Variants in MYOM2 observed in about 807,000 individuals in gnomAD.
MYOM2 encodes the protein myomesin-2.
Under a neutral mutation model 187.6 loss-of-function variants are expected in MYOM2, and 254 were observed. The observed-to-expected ratio is 1.35, with a 90% CI of 1.22 to 1.50. The LOEUF is 1.50. MYOM2 is among the 40% of genes most tolerant of loss of function. The probability of loss-of-function intolerance (pLI) is 0.00; values close to 1 mark genes in which losing one functional copy is unlikely to be tolerated. For synonymous variants in MYOM2, 981 were observed against 753.8 expected (o/e 1.30, Z -4.94); for missense variants, 2,796 against 1,924.0 (o/e 1.45, Z -8.48).
Position 2,075,658 on chromosome 8 carries a change from T to C in MYOM2, c.1121-483T>C, listed in dbSNP as rs1819391419. 1.3e-5 allele frequency among the ~76,000 whole-genome samples: 2 copies of C among 152,316 alleles called. 1 individual carries two copies. Among genetic ancestry groups the C allele is most frequent in the Middle Eastern group, 6.8e-3 (2 of 294 alleles). On this transcript the variant is annotated intron_variant, in intron 10 of 36. Coordinates refer to ENST00000262113, the MANE Select transcript of MYOM2 (RefSeq NM_003970.4). ...AACCTAATTGCATTAGGGTCATCAATAGACTGAGAAACGAATGATGCAATA... is the reference window on the plus strand; with the variant it reads ...AACCTAATTGCATTAGGGTCATCAACAGACTGAGAAACGAATGATGCAATA...
intron 6 of MYOM2, among the ~76,000 whole-genome samples, chr8:2,064,420 G>T (rs544481423): frequency 6.6e-6 from 1 of 152,212 alleles, no homozygotes; most frequent in East Asian, 1.9e-4. Flanking sequence ...TTAGCGGGGC[G>T]CCTCCTGCAT....
rs1819820973 is a variant in MYOM2, at chr8:2,085,542, GCCCCA to G, written c.1644+154_1644+158del. 5 of 318,150 alleles carry G rather than the reference GCCCCA, an allele frequency of 1.6e-5. 1 individual carries two copies. Among genetic ancestry groups the G allele is most frequent in the Non-Finnish European group, 2.5e-5 (5 of 198,360 alleles). 19.7% of individuals were successfully genotyped at this position (318,150 alleles called of 1,614,324 possible). ...CCCCCACTGTTGTGATCTCTGCGTG[GCCCCA>G]CTGTCATGATCTCTGCGTGGCCCCA... is the stretch of plus-strand genomic sequence containing the variant. On this transcript the variant is annotated intron_variant, in intron 14 of 36. Coordinates refer to ENST00000262113, the MANE Select transcript of MYOM2 (RefSeq NM_003970.4).
In MYOM2 at chr8:2,106,387, C is replaced by T. The variant is rs148101307; in HGVS notation, c.2880C>T (p.Thr960=). The T allele has an allele frequency of 9.7e-5, 157 of 1,613,940 alleles. No homozygotes were observed. The African/African-American group carries it at 1.1e-3, about 12-fold the overall frequency. ...ATGATGAGAGGTTTAAAATTGAAAC[C>T]GTGGGGGATCAGTAAGTGAGGCCTG... is the stretch of plus-strand genomic sequence containing the variant. The part of the protein sequence containing the change: ...ISDDERFKIE[T]VGDHSKLYLK... Residue 960 remains threonine (T), a synonymous_variant, in exon 22 of 37, where the codon ACC becomes ACT. Transcript: ENST00000262113.
chr8:2,045,597 GA>G (rs962713739), intron 1 of MYOM2, among the ~76,000 whole-genome samples: 2 of 152,154 alleles, frequency 1.3e-5, no homozygotes, highest in Non-Finnish European at 2.9e-5. Context: ...TTTCTTAAGG[GA>G]AAAAAGAGTC....
chr8:2,057,054 C>G (rs946005562), intron 3 of MYOM2, among the ~76,000 whole-genome samples: 3 of 152,194 alleles, frequency 2.0e-5, no homozygotes, highest in Non-Finnish European at 4.4e-5. Flanking sequence ...AAGCGGTTTG[C>G]AGTTGTGCAC....
At chr8:2,080,879 A>G (rs374193384) in intron 13 of MYOM2, among the ~76,000 whole-genome samples, 90 of 147,692 alleles carry the variant, frequency 6.1e-4, no homozygotes, top group African/African-American at 2.3e-3. Context: ...TGCGGGAGGA[A>G]CAGGCAGCCC....
rs114471764 is a variant in MYOM2, at chr8:2,085,147, A to G, written c.1517-116A>G. ...CTTTGGGGTTTGTTTGACTTCCCCA[A>G]ATAGAAACAAAACAAGTTCAACACC... On this transcript the variant is annotated intron_variant, in intron 13 of 36. Transcript: ENST00000262113. 4,742 of 1,336,952 alleles carry G rather than the reference A, an allele frequency of 3.5e-3. 130 individuals are homozygous for G. The African/African-American group carries it at 0.061, about 17-fold the overall frequency. The allele number at this position is 1,336,952 out of a possible 1,614,324, so 82.8% of individuals were successfully genotyped here.
Position 2,064,409 on chromosome 8 carries a change from C to A in MYOM2, c.654-4869C>A, listed in dbSNP as rs561699958. ...CCACCGTGGGGGTGACCGCGAGCTC[C>A]TTAGCGGGGCGCCTCCTGCATGGAG... On this transcript the variant is annotated intron_variant, in intron 6 of 36. Transcript: ENST00000262113. Among the ~76,000 whole-genome samples the A allele has an allele frequency of 4.6e-5, 7 of 152,328 alleles. No individual in the cohort carries two copies. The South Asian group carries it at 1.4e-3, about 32-fold the overall frequency.
At chr8:2,133,768 C>CATT (rs145388871) in intron 32 of MYOM2, among the ~76,000 whole-genome samples, 19,815 of 152,120 alleles carry the variant, frequency 0.13, 2,185 homozygotes, top group African/African-American at 0.28. Context: ...GTCTGTCAGT[C>CATT]ATTGATCTCA....
Position 2,096,380 on chromosome 8 carries a change from C to G in MYOM2, c.2259C>G (p.His753Gln). Reference protein sequence around the residue: ...LGYYLDKREVHHKNWHEVNSS... With the variant: ...LGYYLDKREVQHKNWHEVNSS... ...ACTACCTGGACAAGCGTGAAGTTCA[C>G]CATAAAAACTGGCACGAGGTCAATT... is the stretch of plus-strand genomic sequence containing the variant. The change falls in exon 18 of 37, where the codon CAC (histidine) becomes CAG (glutamine). Residue 753 changes from histidine to glutamine, a missense_variant. Transcript: ENST00000262113. The G allele has an allele frequency of 6.2e-7, 1 of 1,614,214 alleles. No individual in the cohort carries two copies.
At chr8:2,051,357 A>C (rs1818478881) in intron 2 of MYOM2, among the ~76,000 whole-genome samples, 1 of 152,102 alleles carries the variant, frequency 6.6e-6, no homozygotes, top group Admixed American at 6.5e-5. Flanking sequence ...GTGCACCTGC[A>C]TCTTCCGGAA....
At chr8:2,062,082 G>A (rs1393306614) in intron 6 of MYOM2, among the ~76,000 whole-genome samples, 3 of 152,234 alleles carry the variant, frequency 2.0e-5, no homozygotes, top group Non-Finnish European at 4.4e-5. Context: ...ACCCAGAGCT[G>A]TGGAGTGGGT....
Position 2,115,835 on chromosome 8 carries a change from C to A in MYOM2, c.3181-125C>A, listed in dbSNP as rs1444338656. ...CCCAGAGGTTTCCTTGATAAAATTT[C>A]ATTTTGGTTTCTTCCTATCATAATC... On this transcript the variant is annotated intron_variant, in intron 25 of 36. Coordinates refer to ENST00000262113, the MANE Select transcript of MYOM2 (RefSeq NM_003970.4). The A allele has an allele frequency of 5.6e-6, 6 of 1,075,946 alleles. No homozygotes were observed. In the African/African-American group the frequency reaches 8.0e-5, roughly 14 times the overall value. The allele number at this position is 1,075,946 out of a possible 1,614,324, so 66.6% of individuals were successfully genotyped here. A position where few individuals can be genotyped will look rare whatever the true frequency, so the allele number is the denominator to read the frequency against.
chr8:2,102,765 G>A lies in MYOM2; in HGVS notation c.2718G>A (p.Leu906=), dbSNP rs774025954. 2.5e-6 allele frequency: 4 copies of A among 1,613,396 alleles called. No homozygotes were observed. The highest frequency in any genetic ancestry group is 1.1e-5 in the South Asian group (1 of 91,052). Reference sequence around the variant, plus strand: ...CCTCAGACACGTCGGAGCCTGTGCTGGTAGAGGCGAGACCAGGTAAGGCTT... The same window carrying A: ...CCTCAGACACGTCGGAGCCTGTGCTAGTAGAGGCGAGACCAGGTAAGGCTT... ...GKPSDTSEPV[L]VEARPGTKEI... is the part of the protein sequence containing the mutation. Residue 906 remains leucine (L), a synonymous_variant, in exon 21 of 37, where the codon CTG becomes CTA. Transcript: ENST00000262113.
At chr8:2,100,743 A>G in intron 19 of MYOM2, 133 bp from the exon 20 acceptor site, 1 of 810,022 alleles carries the variant, frequency 1.2e-6, no homozygotes, top group Non-Finnish European at 2.0e-6. Flanking sequence ...GATAAACATC[A>G]GATGGGGAAC....
chr8:2,126,287 G>A (rs1797631798), intron 31 of MYOM2, among the ~76,000 whole-genome samples: 1 of 152,114 alleles, frequency 6.6e-6, no homozygotes, highest in African/African-American at 2.4e-5. Context: ...ATGGGAAACT[G>A]GACGCCATGG....
At chr8:2,121,797 T>C (rs1797468838) in intron 28 of MYOM2, among the ~76,000 whole-genome samples, 1 of 152,218 alleles carries the variant, frequency 6.6e-6, no homozygotes. Flanking sequence ...AGTGGAGAAT[T>C]AGCGCTGACT....
intron 6 of MYOM2, among the ~76,000 whole-genome samples, chr8:2,068,724 C>T (rs1244263746): frequency 5.9e-5 from 9 of 152,210 alleles, no homozygotes; most frequent in African/African-American, 9.7e-5. Flanking sequence ...CCCATGGGAA[C>T]GACTCCCTGT....
intron 3 of MYOM2, among the ~76,000 whole-genome samples, chr8:2,056,679 A>G (rs1402192992): frequency 3.9e-5 from 6 of 152,198 alleles, no homozygotes. Flanking sequence ...CAGGAAAATA[A>G]ATGGCTTTTA....
Sources: allele counts gnomAD v4.1 joint callset (sites outside exome capture counted in the v4.1 genomes callset), GRCh38; gene constraint gnomAD v4.1.1; transcripts MANE v1.5; gene names NCBI Gene and HGNC (gene_info 2026-07-23, HGNC 2026-07-21).